MSRA: variants seen among roughly 807,000 people sequenced by gnomAD.
MSRA encodes the protein mitochondrial peptide methionine sulfoxide reductase.
MSRA carries 54 observed loss-of-function variants against 31.3 expected under a neutral mutation model. The ratio of observed to expected loss-of-function variants is 1.73; its 90% confidence interval spans 1.39 to 2.17. The LOEUF (loss-of-function observed/expected upper bound fraction) is 2.17. Ranked by LOEUF, MSRA falls within the 30% of genes most tolerant of loss-of-function variation. MSRA has a pLI of 0.00. For synonymous variants in MSRA, 169 were observed against 116.5 expected (o/e 1.45, Z -2.90); for missense variants, 507 against 300.9 (o/e 1.69, Z -5.07).
At chr8:10,369,775 C>CA (rs544177970) in intron 5 of MSRA, among the ~76,000 whole-genome samples, 2 of 151,966 alleles carry the variant, frequency 1.3e-5, no homozygotes, top group Non-Finnish European at 2.9e-5. Context: ...CCAGTTAATC[C>CA]AAAAAATACT....
intron 1 of MSRA, among the ~76,000 whole-genome samples, chr8:10,116,535 T>C (rs1800691361): frequency 6.6e-6 from 1 of 152,210 alleles, no homozygotes. Context: ...CTACAGATTG[T>C]TGTAGGCTGG....
intron 5 of MSRA, among the ~76,000 whole-genome samples, chr8:10,333,735 T>C (rs892663928): frequency 6.8e-6 from 1 of 147,786 alleles, no homozygotes; most frequent in Admixed American, 6.8e-5. Context: ...CCCCCCTCCA[T>C]GTTCGCATCA....
intron 2 of MSRA, among the ~76,000 whole-genome samples, chr8:10,213,845 G>A (rs1809742237): frequency 6.6e-6 from 1 of 152,112 alleles, no homozygotes; most frequent in South Asian, 2.1e-4. Flanking sequence ...TACATACTCA[G>A]CAGTGGGATT....
At chr8:10,198,769 G>A (rs1198359976) in intron 1 of MSRA, among the ~76,000 whole-genome samples, 1 of 152,156 alleles carries the variant, frequency 6.6e-6, no homozygotes. Context: ...GACCACAGGT[G>A]CACACCACCA....
intron 1 of MSRA, among the ~76,000 whole-genome samples, chr8:10,170,279 C>T (rs538104348): frequency 1.3e-5 from 2 of 152,164 alleles, no homozygotes; most frequent in East Asian, 1.9e-4. Context: ...GGAAGTGGGG[C>T]CTCGGGAGAT....
chr8:10,152,178 C>T (rs942269176), intron 1 of MSRA, among the ~76,000 whole-genome samples: 2 of 152,102 alleles, frequency 1.3e-5, no homozygotes, highest in South Asian at 2.1e-4. Flanking sequence ...TGGACTTCAG[C>T]TTGAAAAGTA....
chr8:10,385,776 G>A (rs1806350811), intron 5 of MSRA, among the ~76,000 whole-genome samples: 1 of 142,764 alleles, frequency 7.0e-6, no homozygotes, highest in Non-Finnish European at 1.5e-5. Context: ...AGCTGTGGGA[G>A]TGAACTGTGG....
At chr8:10,387,961 G>A (rs944529880) in intron 5 of MSRA, among the ~76,000 whole-genome samples, 1 of 152,160 alleles carries the variant, frequency 6.6e-6, no homozygotes, top group Admixed American at 6.5e-5. Flanking sequence ...CTATTTTAGG[G>A]TATTGTTCTC....
chr8:10,227,123 C>G (rs923377214), intron 2 of MSRA, among the ~76,000 whole-genome samples: 4 of 152,146 alleles, frequency 2.6e-5, no homozygotes, highest in African/African-American at 7.2e-5. Context: ...CTGAGGAGAG[C>G]AGATAGTGAG....
At chr8:10,088,382 C>A (rs753561614) in intron 1 of MSRA, among the ~76,000 whole-genome samples, 1 of 152,170 alleles carries the variant, frequency 6.6e-6, no homozygotes, top group Non-Finnish European at 1.5e-5. Context: ...TGTCTGCACT[C>A]CAATGTATGC....
chr8:10,092,119 T>C (rs1014015331), intron 1 of MSRA, among the ~76,000 whole-genome samples: 1 of 152,280 alleles, frequency 6.6e-6, no homozygotes, highest in East Asian at 1.9e-4. Context: ...ATATTCTGTG[T>C]TTGTTTTCCT....
intron 1 of MSRA, among the ~76,000 whole-genome samples, chr8:10,112,956 G>A (rs368685734): frequency 1.3e-4 from 20 of 152,174 alleles, no homozygotes; most frequent in East Asian, 5.8e-4. Flanking sequence ...TGACCACCCC[G>A]TCTAACATGG....
chr8:10,278,061 G>C (rs2004677), intron 3 of MSRA, among the ~76,000 whole-genome samples: 38,641 of 151,842 alleles, frequency 0.25, 5,289 homozygotes, highest in Non-Finnish European at 0.3. Context: ...GTCGATGCTC[G>C]CTGTCTTGTT....
At chr8:10,395,793 G>T (rs1741246120) in intron 5 of MSRA, among the ~76,000 whole-genome samples, 2 of 152,144 alleles carry the variant, frequency 1.3e-5, no homozygotes, top group Admixed American at 1.3e-4. Context: ...CGTCCTCAAA[G>T]CTACAGATGT....
At chr8:10,388,069 A>G (rs1806503781) in intron 5 of MSRA, among the ~76,000 whole-genome samples, 1 of 152,218 alleles carries the variant, frequency 6.6e-6, no homozygotes, top group Admixed American at 6.5e-5. Context: ...AAGACAATTA[A>G]CAAAGTAAAT....
intron 5 of MSRA, among the ~76,000 whole-genome samples, chr8:10,392,233 G>C (rs749136204): frequency 6.6e-6 from 1 of 152,212 alleles, no homozygotes; most frequent in Non-Finnish European, 1.5e-5. Context: ...TGGATGGACA[G>C]CTGTCTCCTC....
At chr8:10,092,968 TAA>T (rs962405134) in intron 1 of MSRA, among the ~76,000 whole-genome samples, 7 of 152,216 alleles carry the variant, frequency 4.6e-5, no homozygotes, top group Non-Finnish European at 1.0e-4. Context: ...AGCGTTTTCT[TAA>T]AGTCTGTTTT....
chr8:10,278,367 T>C (rs989778835), intron 3 of MSRA, among the ~76,000 whole-genome samples: 1 of 152,214 alleles, frequency 6.6e-6, no homozygotes. Flanking sequence ...ATCCAGCAAA[T>C]GTACCGTGGC....
chr8:10,143,699 A>C (rs570796197), intron 1 of MSRA, among the ~76,000 whole-genome samples: 2 of 152,238 alleles, frequency 1.3e-5, no homozygotes, highest in South Asian at 4.2e-4. Flanking sequence ...TCATGACAGA[A>C]TTCCAAGCAA....
Sources: gnomAD v4.1 joint callset for allele counts (sites outside exome capture counted in the v4.1 genomes callset) on GRCh38, gnomAD v4.1.1 for gene constraint, MANE v1.5 for transcripts, NCBI Gene and HGNC (gene_info 2026-07-23, HGNC 2026-07-21) for gene names.